Variants in GRM7 observed in about 807,000 individuals in gnomAD.
GRM7 encodes the protein metabotropic glutamate receptor 7.
In GRM7, 35 loss-of-function variants were observed where a neutral mutation model predicts 84.5. The ratio of observed to expected loss-of-function variants is 0.41; its 90% CI spans 0.32 to 0.55. The LOEUF is 0.55. Ranked by LOEUF, GRM7 falls within the 20% of genes least tolerant of loss-of-function variation. The probability of loss-of-function intolerance (pLI) is 0.19; values close to 1 mark genes in which losing one functional copy is unlikely to be tolerated. For synonymous variants in GRM7, 487 were observed against 455.1 expected (o/e 1.07, Z -0.89); for missense variants, 1,003 against 1,194.6 (o/e 0.84, Z 2.36).
At chr3:7,183,106 T>C (rs1015771990) in intron 2 of GRM7, among the ~76,000 whole-genome samples, 3 of 152,170 alleles carry the variant, frequency 2.0e-5, no homozygotes, top group Non-Finnish European at 4.4e-5. Context: ...TTTCAAGACA[T>C]TGTGGTTCTC....
intron 2 of GRM7, among the ~76,000 whole-genome samples, chr3:7,246,002 A>G (rs1397166372): frequency 6.6e-6 from 1 of 152,168 alleles, no homozygotes; most frequent in African/African-American, 2.4e-5. Flanking sequence ...GGAATTTAAA[A>G]TAATGTAAAT....
chr3:7,311,899 C>T (rs1205406195), intron 4 of GRM7, among the ~76,000 whole-genome samples: 5 of 152,154 alleles, frequency 3.3e-5, no homozygotes, highest in Non-Finnish European at 7.4e-5. Context: ...CCGGCCTCAA[C>T]ACATTCTTCT....
chr3:7,298,971 A>G lies in GRM7; in HGVS notation c.878+146A>G, dbSNP rs1427332164. 1.2e-5 allele frequency: 8 copies of G among 686,094 alleles called. No homozygotes were observed. The African/African-American group carries it at 1.4e-4, about 12-fold the overall frequency. The allele number at this position is 686,094 out of a possible 1,614,324, so 42.5% of individuals were successfully genotyped here. On this transcript the variant is annotated intron_variant, in intron 3 of 9. Transcript: ENST00000357716. ...CGAAGTCTGTGCTTGCCTCTACCCA[A>G]CACATACAGTGGTAGCATGTTATGG...
chr3:7,565,464 T>C (rs1439393362), intron 7 of GRM7, among the ~76,000 whole-genome samples: 2 of 152,174 alleles, frequency 1.3e-5, no homozygotes, highest in Non-Finnish European at 2.9e-5. Flanking sequence ...AAAACAATGC[T>C]CATTCCAGTG....
At chr3:7,515,774 T>C (rs568239155) in intron 7 of GRM7, among the ~76,000 whole-genome samples, 118 of 152,202 alleles carry the variant, frequency 7.8e-4, no homozygotes, top group Non-Finnish European at 1.3e-3. Context: ...GTCACAGATC[T>C]TACTAAACTA....
At chr3:7,588,914 T>C (rs1695645553) in intron 8 of GRM7, among the ~76,000 whole-genome samples, 1 of 152,240 alleles carries the variant, frequency 6.6e-6, no homozygotes, top group Non-Finnish European at 1.5e-5. Context: ...GCTTGATTTA[T>C]ATATAAGGAG....
At chr3:6,898,736 G>C (rs1280109198) in intron 1 of GRM7, among the ~76,000 whole-genome samples, 1 of 151,856 alleles carries the variant, frequency 6.6e-6, no homozygotes, top group Admixed American at 6.6e-5. Context: ...CTACTCTGGA[G>C]GCGAAGGCAG....
At chr3:6,975,097 C>G (rs1394419505) in intron 1 of GRM7, among the ~76,000 whole-genome samples, 2 of 152,114 alleles carry the variant, frequency 1.3e-5, no homozygotes, top group Non-Finnish European at 2.9e-5. Flanking sequence ...GGTAGAACAT[C>G]TGTAGAAACA....
Position 7,461,567 on chromosome 3 carries a change from T to C in GRM7, c.1376-16T>C, listed in dbSNP as rs1224614108. The C allele has an allele frequency of 2.2e-5, 36 of 1,605,664 alleles. No homozygotes were observed. The highest frequency in any genetic ancestry group is 3.1e-5 in the Non-Finnish European group (36 of 1,172,528). On this transcript the variant is annotated splice_polypyrimidine_tract_variant and intron_variant, in intron 6 of 9. Transcript: ENST00000357716. ...TGTTTAACTTTAGAATCTTTCATTT[T>C]TTCTGTCTTCCTTAGGTAGTGCTGG...
In GRM7 at chr3:7,740,468, G is replaced by A. The variant is rs1702651989; in HGVS notation, c.*62G>A. On this transcript the variant is annotated 3_prime_UTR_variant, in exon 10 of 10. Coordinates refer to ENST00000357716, the MANE Select transcript of GRM7 (RefSeq NM_000844.4). ...CCTCAGTTATTTTGTCACCCAACCT[G>A]GCATAGGACTCTTTGGTCCTACCCG... 1.0e-6 allele frequency: 1 copy of A among 955,338 alleles called. No individual in the cohort carries two copies. 59.2% of individuals were successfully genotyped at this position (955,338 alleles called of 1,614,324 possible).
chr3:6,959,692 A>C (rs1188708762), intron 1 of GRM7, among the ~76,000 whole-genome samples: 1 of 152,184 alleles, frequency 6.6e-6, no homozygotes, highest in African/African-American at 2.4e-5. Flanking sequence ...TTAAAATAGG[A>C]AGTCCCAGAC....
intron 1 of GRM7, among the ~76,000 whole-genome samples, chr3:7,021,403 G>C (rs1695769412): frequency 6.6e-6 from 1 of 152,154 alleles, no homozygotes; most frequent in Middle Eastern, 3.2e-3. Flanking sequence ...GTTATGTGAA[G>C]GAACTTTAAG....
At chr3:7,511,036 A>G (rs111406935) in intron 7 of GRM7, among the ~76,000 whole-genome samples, 112 of 152,338 alleles carry the variant, frequency 7.4e-4, no homozygotes, top group African/African-American at 2.5e-3. Flanking sequence ...TTAGGGAATT[A>G]AGAAAGCAAG....
At chr3:7,645,399 T>G (rs1698580640) in intron 8 of GRM7, among the ~76,000 whole-genome samples, 1 of 151,460 alleles carries the variant, frequency 6.6e-6, no homozygotes, top group South Asian at 2.1e-4. Context: ...ATACAAAAAT[T>G]AGCTGGGTGT....
At chr3:6,970,057 G>T (rs1693682560) in intron 1 of GRM7, among the ~76,000 whole-genome samples, 1 of 152,198 alleles carries the variant, frequency 6.6e-6, no homozygotes, top group South Asian at 2.1e-4. Context: ...TGCACTAAGT[G>T]AACTGGGCCA....
intron 8 of GRM7, among the ~76,000 whole-genome samples, chr3:7,585,756 A>T (rs1253596056): frequency 6.6e-6 from 1 of 152,110 alleles, no homozygotes; most frequent in Non-Finnish European, 1.5e-5. Context: ...GGATAAACTG[A>T]CACATCTCTG....
intron 1 of GRM7, among the ~76,000 whole-genome samples, chr3:7,089,740 A>C (rs1168799221): frequency 6.6e-6 from 1 of 152,208 alleles, no homozygotes; most frequent in Non-Finnish European, 1.5e-5. Flanking sequence ...AGATACCAAG[A>C]AGGCAGGAGC....
chr3:7,479,583 C>T (rs952821122), intron 7 of GRM7, among the ~76,000 whole-genome samples: 2 of 152,144 alleles, frequency 1.3e-5, no homozygotes, highest in Non-Finnish European at 2.9e-5. Context: ...TATTGATGAA[C>T]AATAAGTGAA....
At chr3:7,510,548 G>C (rs546624375) in intron 7 of GRM7, among the ~76,000 whole-genome samples, 2 of 152,178 alleles carry the variant, frequency 1.3e-5, no homozygotes, top group South Asian at 2.1e-4. Flanking sequence ...ACAAATTCAA[G>C]ACACATTATA....
Sources: allele counts gnomAD v4.1 joint callset (sites outside exome capture counted in the v4.1 genomes callset), GRCh38; gene constraint gnomAD v4.1.1; transcripts MANE v1.5; gene names NCBI Gene and HGNC (gene_info 2026-07-23, HGNC 2026-07-21).